C1orf167: variants seen among roughly 807,000 people sequenced by gnomAD.
C1orf167 encodes uncharacterized protein C1orf167.
Under a neutral mutation model 176.5 loss-of-function variants are expected in C1orf167, and 153 were observed. That is an observed-to-expected ratio of 0.87 (90% CI 0.76 to 0.99). C1orf167 has a LOEUF of 0.99. C1orf167 is among the 50% of genes least tolerant of loss of function. The pLI, the probability that C1orf167 is intolerant of heterozygous loss-of-function variation, is 0.00. For synonymous variants in C1orf167, 594 were observed against 752.7 expected (o/e 0.79, Z 3.45); for missense variants, 1,490 against 1,817.7 (o/e 0.82, Z 3.28).
At position 11,789,474 on chromosome 1, in the gene C1orf167, C is replaced by T; in HGVS notation, c.*28C>T. 7.7e-7 allele frequency: 1 copy of T among 1,298,060 alleles called. No homozygotes were observed. The highest frequency in any genetic ancestry group is 1.0e-6 in the Non-Finnish European group (1 of 985,420). The allele number at this position is 1,298,060 out of a possible 1,614,324, so 80.4% of individuals were successfully genotyped here. ...TGTTCTCATAGAATAAAAAACAGAA[C>T]TGAACTTAGCCTTCCCAGGGAAGGA... On this transcript the variant is annotated 3_prime_UTR_variant, in exon 21 of 21. Coordinates refer to ENST00000688073, the MANE Select transcript of C1orf167 (RefSeq NM_001010881.2).
chr1:11,780,618 T>C (rs939224124), intron 13 of C1orf167, among the ~76,000 whole-genome samples: 4 of 152,224 alleles, frequency 2.6e-5, no homozygotes, highest in Non-Finnish European at 5.9e-5. Context: ...GGGGATAATG[T>C]AGTCCCTATG....
intron 13 of C1orf167, among the ~76,000 whole-genome samples, chr1:11,780,599 C>T (rs546133103): frequency 6.6e-6 from 1 of 152,322 alleles, no homozygotes; most frequent in Admixed American, 6.5e-5. Context: ...GCTTACACAT[C>T]TGTAAAATGG....
In C1orf167 at chr1:11,782,283, A is replaced by AG. The variant is rs1643635593; in HGVS notation, c.2956dup (p.Ala986GlyfsTer24). 3 of 1,299,340 alleles carry AG rather than the reference A, an allele frequency of 2.3e-6. No individual in the cohort carries two copies. In the South Asian group the frequency reaches 3.7e-5, roughly 16 times the overall value. The allele number at this position is 1,299,340 out of a possible 1,614,324, so 80.5% of individuals were successfully genotyped here. The stretch of plus-strand genomic sequence containing the variant: ...TGTTCCGGAGCTGGCAGCAGGCAGC[A>AG]GCTCATCAGAGATGCACAGTGACCC... On this transcript the variant is annotated frameshift_variant, in exon 14 of 21. Transcript: ENST00000688073. LOFTEE classifies it high-confidence loss of function.
chr1:11,780,112 T>C, intron 13 of C1orf167, 102 bp downstream of exon 13: 1 of 899,986 alleles, frequency 1.1e-6, no homozygotes, highest in Non-Finnish European at 1.5e-6. Flanking sequence ...TGTAACCGCA[T>C]GGGAGAACTT....
At position 11,787,286 on chromosome 1, in the gene C1orf167, C is replaced by G; in HGVS notation, c.3568-102C>G. Reference sequence around the variant, plus strand: ...ACATGGGGGAATGGGTGGAAGAGGCCGGGATGTGTCCTGCCAGCTAGAGCA... The same window carrying G: ...ACATGGGGGAATGGGTGGAAGAGGCGGGGATGTGTCCTGCCAGCTAGAGCA... On this transcript the variant is annotated intron_variant, in intron 16 of 20. Coordinates refer to ENST00000688073, the MANE Select transcript of C1orf167 (RefSeq NM_001010881.2). 3 of 514,184 alleles carry G rather than the reference C, an allele frequency of 5.8e-6. No individual in the cohort carries two copies. The South Asian group carries it at 6.5e-5, about 11-fold the overall frequency. The allele number at this position is 514,184 out of a possible 1,614,324, so 31.9% of individuals were successfully genotyped here.
chr1:11,762,588 G>A (rs1448292752), intron 1 of C1orf167, among the ~76,000 whole-genome samples: 4 of 152,224 alleles, frequency 2.6e-5, no homozygotes, highest in Non-Finnish European at 5.9e-5. Flanking sequence ...GCCAGCCCTG[G>A]GGTGCTCCCT....
At chr1:11,771,969 C>T in intron 7 of C1orf167, 113 bp from the exon 8 acceptor site, 1 of 798,634 alleles carries the variant, frequency 1.3e-6, no homozygotes, top group Non-Finnish European at 1.7e-6. Context: ...TTCACTTACT[C>T]AGAGATGGGG....
At position 11,764,593 on chromosome 1, in the gene C1orf167, AC is replaced by A. The variant is rs1642696794; in HGVS notation, c.70+126del. ...GCCTGGCTAATTCCAGAGATCAGCCACCCACGGTCGGCTGGACATAGGACAG... is the reference window on the plus strand; with the variant it reads ...GCCTGGCTAATTCCAGAGATCAGCCACCACGGTCGGCTGGACATAGGACAG... On this transcript the variant is annotated intron_variant, in intron 2 of 20. Coordinates refer to ENST00000688073, the MANE Select transcript of C1orf167 (RefSeq NM_001010881.2). 4.6e-5 allele frequency: 37 copies of A among 797,970 alleles called. 1 individual carries two copies. In the South Asian group the frequency reaches 5.6e-4, roughly 12 times the overall value. The allele number at this position is 797,970 out of a possible 1,614,324, so 49.4% of individuals were successfully genotyped here.
In C1orf167 at chr1:11,765,840, G is replaced by A. The variant is rs1642764332; in HGVS notation, c.71-17G>A. ...AGTGCCAGCCACCCAAGTCATGACT[G>A]TCTCTCCTCTCTTTAGAGCAACGAA... On this transcript the variant is annotated splice_polypyrimidine_tract_variant and intron_variant, in intron 2 of 20. Transcript: ENST00000688073. 8.4e-7 allele frequency: 1 copy of A among 1,186,994 alleles called. No homozygotes were observed. The highest frequency in any genetic ancestry group is 1.1e-6 in the Non-Finnish European group (1 of 938,784). The allele number at this position is 1,186,994 out of a possible 1,614,324, so 73.5% of individuals were successfully genotyped here. A position where few individuals can be genotyped will look rare whatever the true frequency, so the allele number is the denominator to read the frequency against.
At chr1:11,763,759 A>G (rs1047586350) in intron 1 of C1orf167, among the ~76,000 whole-genome samples, 28 of 152,186 alleles carry the variant, frequency 1.8e-4, no homozygotes, top group African/African-American at 6.5e-4. Context: ...ACGAGGCAGA[A>G]TAAGGGTGAC....
intron 14 of C1orf167, 72 bp downstream of exon 14, chr1:11,782,405 G>C (rs1643642338): frequency 7.8e-6 from 9 of 1,149,326 alleles, no homozygotes; most frequent in Non-Finnish European, 9.9e-6. Flanking sequence ...CACCCAGGGG[G>C]TGGGAAGCTC....
intron 16 of C1orf167, chr1:11,786,701 A>G (rs1334882363): frequency 6.6e-6 from 1 of 150,680 alleles, no homozygotes; most frequent in Admixed American, 6.6e-5. Context: ...TTGGCCTCCC[A>G]AAGCATTGGG....
chr1:11,771,082 T>A lies in C1orf167; in HGVS notation c.1698-442T>A, dbSNP rs1184884264. Among the ~76,000 whole-genome samples the A allele has an allele frequency of 2.1e-3, 249 of 119,106 alleles. 3 individuals carry two copies. Among genetic ancestry groups the A allele is most frequent in the African/African-American group, 6.4e-3 (194 of 30,412 alleles). The allele number at this position is 119,106 out of a possible 152,430, so 78.1% of individuals were successfully genotyped here. On this transcript the variant is annotated intron_variant, in intron 6 of 20. Transcript: ENST00000688073. ...ATATATATATATATTTTTTTTTTTT[T>A]TTTTTTTTTTTTTTGTAGTAGAGAC... is the stretch of plus-strand genomic sequence containing the variant.
At position 11,788,691 on chromosome 1, in the gene C1orf167, T is replaced by C. The variant is rs1164801007; in HGVS notation, c.4118T>C (p.Val1373Ala). Reference sequence around the variant, plus strand: ...CCTGAGATGGGCCTGGCAGACGTGGTGGCAGCGGATCCTGCGACTGCGAGT... The same window carrying C: ...CCTGAGATGGGCCTGGCAGACGTGGCGGCAGCGGATCCTGCGACTGCGAGT... ...VAPEMGLADV[V>A]AADPATASGS... Residue 1373 changes from valine to alanine, a missense_variant, in exon 20 of 21, where the codon GTG becomes GCG. Physicochemically the swap from Val to Ala is moderately conservative, Grantham distance 64. Transcript: ENST00000688073. The C allele has an allele frequency of 3.1e-6, 4 of 1,304,230 alleles. No homozygotes were observed. Among genetic ancestry groups the C allele is most frequent in the Admixed American group, 2.3e-5 (1 of 43,560 alleles). 80.8% of individuals were successfully genotyped at this position (1,304,230 alleles called of 1,614,324 possible).
chr1:11,788,117 G>A (rs1570451767), intron 18 of C1orf167, 32 bp from the exon 19 acceptor site: 2 of 1,277,102 alleles, frequency 1.6e-6, no homozygotes, highest in East Asian at 1.1e-4. Context: ...GCTTGCCTGA[G>A]CCATGGCTAC....
Position 11,766,867 on chromosome 1 carries a change from T to C in C1orf167, c.1081T>C (p.Ser361Pro). Residue 361 changes from serine to proline, a missense_variant, in exon 3 of 21, where the codon TCT becomes CCT. Coordinates refer to ENST00000688073, the MANE Select transcript of C1orf167 (RefSeq NM_001010881.2). The surrounding 1 kb of genome is among the most constrained non-coding windows in gnomAD (Gnocchi z 4.5). ...LGSGDSCSPW[S>P]QDGRAQRGDP... ...GTCAGGGGACAGCTGCTCCCCCTGG[T>C]CTCAAGATGGCAGGGCACAGAGGGG... The C allele has an allele frequency of 7.8e-7, 1 of 1,275,864 alleles. No individual in the cohort carries two copies. The highest frequency in any genetic ancestry group is 1.0e-6 in the Non-Finnish European group (1 of 980,738). The allele number at this position is 1,275,864 out of a possible 1,614,324, so 79.0% of individuals were successfully genotyped here.
chr1:11,777,311 G>A lies in C1orf167; in HGVS notation c.2339+673G>A, dbSNP rs529639018. 1.0e-3 allele frequency: 157 copies of A among 152,890 alleles called. 3 individuals carry two copies. The highest frequency in any genetic ancestry group is 9.0e-4 in the Non-Finnish European group (61 of 68,116). 9.5% of individuals were successfully genotyped at this position (152,890 alleles called of 1,614,324 possible). ...GGCGATCAGGAGAAGCCAGCTTCCC[G>A]GAGGGGATGTCAGGAGGAATGGAAG... On this transcript the variant is annotated intron_variant, in intron 10 of 20. Coordinates refer to ENST00000688073, the MANE Select transcript of C1orf167 (RefSeq NM_001010881.2).
chr1:11,776,780 C>A (rs1346255980), intron 10 of C1orf167, 142 bp downstream of exon 10: 1 of 812,962 alleles, frequency 1.2e-6, no homozygotes, highest in Non-Finnish European at 1.7e-6. Flanking sequence ...CGTGGCCCTG[C>A]ACAGGGCCTG....
In C1orf167 at chr1:11,766,247, T is replaced by A; in HGVS notation, c.461T>A (p.Leu154Gln). ...GPHKLPWGPL[L>Q]SQEPLARPSS... ...CACAAGCTTCCCTGGGGTCCTCTCCTATCCCAAGAGCCACTGGCTCGCCCA... is the reference window on the plus strand; with the variant it reads ...CACAAGCTTCCCTGGGGTCCTCTCCAATCCCAAGAGCCACTGGCTCGCCCA... The change falls in exon 3 of 21, where the codon CTA (leucine) becomes CAA (glutamine). Residue 154 changes from leucine (L) to glutamine (Q), a missense_variant. Leu to Gln is a moderately radical substitution (Grantham distance 113). Coordinates refer to ENST00000688073, the MANE Select transcript of C1orf167 (RefSeq NM_001010881.2). The surrounding 1 kb of genome is among the most constrained non-coding windows in gnomAD (Gnocchi z 4.5). The A allele has an allele frequency of 4.7e-6, 6 of 1,289,784 alleles. No individual in the cohort carries two copies. Among genetic ancestry groups the A allele is most frequent in the Non-Finnish European group, 6.1e-6 (6 of 988,834 alleles). 79.9% of individuals were successfully genotyped at this position (1,289,784 alleles called of 1,614,324 possible).
Sources: allele counts gnomAD v4.1 joint callset (sites outside exome capture counted in the v4.1 genomes callset), GRCh38; gene constraint gnomAD v4.1.1; non-coding constraint Gnocchi (gnomAD v3.1); transcripts MANE v1.5; gene names NCBI Gene and HGNC (gene_info 2026-07-23, HGNC 2026-07-21).